Variants in EYS observed in about 807,000 individuals in gnomAD.
EYS encodes the protein EGF-like photoreceptor maintenance factor.
A neutral mutation model predicts 282.1 loss-of-function variants in EYS; 250 were observed. The observed-to-expected ratio is 0.89, with a 90% CI of 0.80 to 0.98. EYS has a LOEUF of 0.98. Ranked by LOEUF, EYS falls within the 50% of genes least tolerant of loss-of-function variation. The pLI is 0.00. For missense variants in EYS, 4,016 were observed against 3,709.0 expected, an observed-to-expected ratio of 1.08 and a Z score of -2.15; for synonymous variants, 1,355 against 1,282.9, an observed-to-expected ratio of 1.06 and a Z score of -1.20.
chr6:64,339,896 C>T (rs112657412), intron 29 of EYS, among the ~76,000 whole-genome samples: 5,538 of 151,322 alleles, frequency 0.037, 244 homozygotes, highest in African/African-American at 0.1. Flanking sequence ...GGGGACCTGG[C>T]GAGAAGGGAA....
At chr6:64,510,213 A>C (rs1013402454) in intron 26 of EYS, among the ~76,000 whole-genome samples, 3 of 152,162 alleles carry the variant, frequency 2.0e-5, no homozygotes, top group African/African-American at 7.2e-5. Context: ...TTTTGGTGTA[A>C]ATGTTCATAA....
At chr6:64,830,180 C>A (rs532464088) in intron 19 of EYS, among the ~76,000 whole-genome samples, 48 of 151,974 alleles carry the variant, frequency 3.2e-4, no homozygotes, top group Non-Finnish European at 5.4e-4. Flanking sequence ...AAGGCACAAT[C>A]TAAGTACCAG....
At chr6:64,233,841 G>A (rs1766503715) in intron 30 of EYS, among the ~76,000 whole-genome samples, 1 of 152,130 alleles carries the variant, frequency 6.6e-6, no homozygotes, top group African/African-American at 2.4e-5. Context: ...AACTCTAGTT[G>A]GAACAGGAAA....
intron 12 of EYS, among the ~76,000 whole-genome samples, chr6:65,123,144 C>T (rs1051340707): frequency 2.0e-5 from 3 of 152,004 alleles, no homozygotes; most frequent in African/African-American, 7.2e-5. Context: ...ACGTAAACAT[C>T]CTTTCTTCGA....
intron 12 of EYS, among the ~76,000 whole-genome samples, chr6:65,079,681 AT>A (rs1774169891): frequency 6.6e-6 from 1 of 152,062 alleles, no homozygotes; most frequent in South Asian, 2.1e-4. Context: ...TTTTTATTGG[AT>A]AGCCTTGAGA....
At chr6:63,773,968 A>G (rs1027476005) in intron 40 of EYS, among the ~76,000 whole-genome samples, 11 of 152,168 alleles carry the variant, frequency 7.2e-5, no homozygotes, top group African/African-American at 2.7e-4. Flanking sequence ...TAAGACAAAA[A>G]ATAATTAGGA....
chr6:63,870,250 AT>A (rs1188029134), intron 35 of EYS, among the ~76,000 whole-genome samples: 1 of 152,196 alleles, frequency 6.6e-6, no homozygotes, highest in Non-Finnish European at 1.5e-5. Context: ...GCAAAGTGCC[AT>A]TTCACCCATT....
chr6:63,871,479 G>A (rs1415188302), intron 35 of EYS, among the ~76,000 whole-genome samples: 2 of 151,928 alleles, frequency 1.3e-5, no homozygotes, highest in Non-Finnish European at 2.9e-5. Flanking sequence ...TGGCCAACAT[G>A]GTGAAACCCC....
At chr6:63,765,776 C>A (rs1018091777) in intron 40 of EYS, among the ~76,000 whole-genome samples, 1 of 151,898 alleles carries the variant, frequency 6.6e-6, no homozygotes, top group African/African-American at 2.4e-5. Flanking sequence ...ACCCATTAAC[C>A]ATCCCCACCT....
At chr6:65,635,739 C>T (rs1435152458) in intron 2 of EYS, among the ~76,000 whole-genome samples, 3 of 152,190 alleles carry the variant, frequency 2.0e-5, no homozygotes, top group Admixed American at 6.5e-5. Context: ...AGATATGCAA[C>T]ATCACTATAG....
intron 26 of EYS, among the ~76,000 whole-genome samples, chr6:64,469,014 T>C (rs1562012219): frequency 6.6e-6 from 1 of 152,238 alleles, no homozygotes; most frequent in Non-Finnish European, 1.5e-5. Context: ...TTTGGGTATA[T>C]ACCCAATGTT....
chr6:64,339,089 A>G (rs1394085478), intron 29 of EYS, among the ~76,000 whole-genome samples: 1 of 152,052 alleles, frequency 6.6e-6, no homozygotes, highest in African/African-American at 2.4e-5. Context: ...GAATTTCATG[A>G]CCAAGTACCC....
intron 31 of EYS, among the ~76,000 whole-genome samples, chr6:64,185,816 T>G (rs1764921156): frequency 6.6e-6 from 1 of 152,180 alleles, no homozygotes; most frequent in Non-Finnish European, 1.5e-5. Context: ...GTCAGAGAGC[T>G]ACTTCCAGAT....
chr6:64,986,071 T>A (rs921034314), intron 14 of EYS, among the ~76,000 whole-genome samples: 7 of 151,552 alleles, frequency 4.6e-5, no homozygotes, highest in African/African-American at 1.7e-4. Flanking sequence ...TTTTTTAAAC[T>A]TGTTTATTCT....
At chr6:64,997,081 C>G (rs992346711) in intron 14 of EYS, among the ~76,000 whole-genome samples, 2 of 152,028 alleles carry the variant, frequency 1.3e-5, no homozygotes, top group Admixed American at 1.3e-4. Flanking sequence ...CAGAATGGAA[C>G]ATGCTTGTGA....
At chr6:64,184,670 T>A (rs1370932172) in intron 31 of EYS, among the ~76,000 whole-genome samples, 1 of 152,144 alleles carries the variant, frequency 6.6e-6, no homozygotes, top group Admixed American at 6.6e-5. Context: ...TCACTGAAAA[T>A]CATTTCTAGG....
intron 9 of EYS, among the ~76,000 whole-genome samples, chr6:65,347,167 C>A (rs1562112067): frequency 6.6e-6 from 1 of 151,652 alleles, no homozygotes; most frequent in African/African-American, 2.4e-5. Flanking sequence ...ATTAAATTGT[C>A]CAATTCTAAA....
chr6:64,413,126 C>T (rs573430488), intron 28 of EYS, among the ~76,000 whole-genome samples: 2 of 152,122 alleles, frequency 1.3e-5, no homozygotes, highest in Non-Finnish European at 2.9e-5. Context: ...TCACCTTGTG[C>T]AGCCATATAT....
chr6:65,506,202 C>T (rs1766647169), intron 2 of EYS, among the ~76,000 whole-genome samples: 1 of 152,078 alleles, frequency 6.6e-6, no homozygotes, highest in Non-Finnish European at 1.5e-5. Context: ...TCTCTTTTAA[C>T]CTACCTGAGT....
Sources: allele counts gnomAD v4.1 joint callset (sites outside exome capture counted in the v4.1 genomes callset), GRCh38; gene constraint gnomAD v4.1.1; transcripts MANE v1.5; gene names NCBI Gene and HGNC (gene_info 2026-07-23, HGNC 2026-07-21).